EPCIP: variants seen among roughly 807,000 people sequenced by gnomAD.
The protein encoded by EPCIP is exosomal polycystin 1 interacting protein, also known as exosomal polycystin-1-interacting protein.
the EPCIP span, among the ~76,000 whole-genome samples, chr21:32,812,761 G>A: frequency 6.6e-6 from 1 of 151,898 alleles, no homozygotes; most frequent in East Asian, 1.9e-4. Context: ...AACATTTCCT[G>A]TCCTCAGTAT....
the EPCIP span, among the ~76,000 whole-genome samples, chr21:32,802,594 C>T: frequency 6.6e-6 from 1 of 152,194 alleles, no homozygotes; most frequent in Non-Finnish European, 1.5e-5. Flanking sequence ...TTGTTGACTC[C>T]TTCTAACTCC....
the EPCIP span, among the ~76,000 whole-genome samples, chr21:32,806,058 G>C: frequency 2.5e-4 from 38 of 152,136 alleles, no homozygotes; most frequent in Admixed American, 1.3e-4. Context: ...AGTGGCATTT[G>C]TGTCTTTCCA....
chr21:32,807,408 C>T, the EPCIP span, among the ~76,000 whole-genome samples: 1 of 150,030 alleles, frequency 6.7e-6, no homozygotes, highest in Non-Finnish European at 1.5e-5. Flanking sequence ...TCTTGGCTCA[C>T]CACAACCTCC....
the EPCIP span, among the ~76,000 whole-genome samples, chr21:32,809,182 C>CGCGTGTGTGT: frequency 2.5e-5 from 3 of 121,096 alleles, no homozygotes; most frequent in Non-Finnish European, 5.1e-5. Flanking sequence ...TCGAGGGGTG[C>CGCGTGTGTGT]GTGTGTGTGT....
the EPCIP span, among the ~76,000 whole-genome samples, chr21:32,809,235 G>T: frequency 7.7e-6 from 1 of 130,220 alleles, no homozygotes; most frequent in Non-Finnish European, 1.7e-5. Context: ...TGTCTCACTG[G>T]GCTTTTGTTG....
the EPCIP span, among the ~76,000 whole-genome samples, chr21:32,809,656 C>T: frequency 6.6e-6 from 1 of 152,102 alleles, no homozygotes; most frequent in Non-Finnish European, 1.5e-5. Context: ...AGCCACCGCG[C>T]CTGCCCCCAT....
chr21:32,795,972 CTTT>C, the EPCIP span, among the ~76,000 whole-genome samples: 8 of 122,054 alleles, frequency 6.6e-5, no homozygotes, highest in African/African-American at 2.0e-4. Context: ...TTCCTTCCTT[CTTT>C]CCTTCCTTCC....
At chr21:32,792,906 A>T in the EPCIP span, among the ~76,000 whole-genome samples, 1 of 67,650 alleles carries the variant, frequency 1.5e-5, no homozygotes, top group African/African-American at 4.2e-5. Context: ...TAATCATTTT[A>T]TTATTATTAT....
At chr21:32,792,902 T>C in the EPCIP span, among the ~76,000 whole-genome samples, 2 of 73,838 alleles carry the variant, frequency 2.7e-5, no homozygotes, top group Middle Eastern at 6.3e-3. Flanking sequence ...AACCTAATCA[T>C]TTTATTATTA....
At chr21:32,803,791 CA>C in the EPCIP span, among the ~76,000 whole-genome samples, 12 of 152,302 alleles carry the variant, frequency 7.9e-5, no homozygotes, top group African/African-American at 2.9e-4. Context: ...TCCACAACAG[CA>C]CATCCTCATC....
chr21:32,807,197 C>G, the EPCIP span, among the ~76,000 whole-genome samples: 1 of 152,150 alleles, frequency 6.6e-6, no homozygotes, highest in Non-Finnish European at 1.5e-5. Context: ...TGCCTTCTTG[C>G]TGATTGCGGT....
At chr21:32,796,587 T>C in the EPCIP span, among the ~76,000 whole-genome samples, 60 of 152,292 alleles carry the variant, frequency 3.9e-4, no homozygotes, top group Admixed American at 1.6e-3. Context: ...AATGTATTAA[T>C]AGGTACATTT....
chr21:32,796,917 A>C, the EPCIP span: 1 of 466,918 alleles, frequency 2.1e-6, no homozygotes. Context: ...TAGTGAGAAA[A>C]GTGTCTGCCT....
the EPCIP span, chr21:32,793,544 T>C: frequency 8.2e-6 from 5 of 609,674 alleles, no homozygotes; most frequent in Non-Finnish European, 1.5e-5. Flanking sequence ...GGTTTTTTGG[T>C]TTCTTTTTCT....
At chr21:32,792,810 C>T in the EPCIP span, among the ~76,000 whole-genome samples, 1 of 152,282 alleles carries the variant, frequency 6.6e-6, no homozygotes, top group East Asian at 1.9e-4. Context: ...GGTACCTCCA[C>T]CCCAACAAAC....
At chr21:32,794,588 C>T in the EPCIP span, 1 of 677,888 alleles carries the variant, frequency 1.5e-6, no homozygotes, top group Non-Finnish European at 2.5e-6. Context: ...TTCTTTCTTG[C>T]AGTTCTAGTA....
the EPCIP span, among the ~76,000 whole-genome samples, chr21:32,812,774 A>G: frequency 6.6e-6 from 1 of 152,180 alleles, no homozygotes; most frequent in Non-Finnish European, 1.5e-5. Context: ...CTCAGTATAC[A>G]CCAACATACT....
the EPCIP span, chr21:32,810,660 A>G: frequency 1.9e-5 from 9 of 471,526 alleles, no homozygotes; most frequent in Admixed American, 2.1e-4. Context: ...CTGTCCTGTG[A>G]AGTTAAATAC....
At chr21:32,797,083 G>C in the EPCIP span, 1 of 458,888 alleles carries the variant, frequency 2.2e-6, no homozygotes, top group Non-Finnish European at 4.5e-6. Flanking sequence ...CTAGACCTCA[G>C]GATGGTCCCT....
Sources: gnomAD v4.1 joint callset for allele counts (sites outside exome capture counted in the v4.1 genomes callset) on GRCh38, gnomAD v4.1.1 for gene constraint, MANE v1.5 for transcripts, NCBI Gene and HGNC (gene_info 2026-07-23, HGNC 2026-07-21) for gene names.